Variants in CRHR1 observed in about 807,000 individuals in gnomAD.
The protein encoded by CRHR1 is corticotropin releasing hormone receptor 1, also known as corticotropin-releasing hormone receptor 1.
A neutral mutation model predicts 56.0 loss-of-function variants in CRHR1; 28 were observed. The observed-to-expected ratio is 0.50, with a 90% CI of 0.37 to 0.69. CRHR1 has a LOEUF of 0.69. Ranked by LOEUF, CRHR1 falls within the 30% of genes least tolerant of loss-of-function variation. CRHR1 has a pLI of 0.00. For missense variants in CRHR1, 376 were observed against 548.0 expected, an observed-to-expected ratio of 0.69 and a Z score of 3.13; for synonymous variants, 195 against 216.5, an observed-to-expected ratio of 0.90 and a Z score of 0.87.
At chr17:45,814,838 C>A (rs995386707) in intron 2 of CRHR1, among the ~76,000 whole-genome samples, 1 of 152,298 alleles carries the variant, frequency 6.6e-6, no homozygotes, top group African/African-American at 2.4e-5. Context: ...CCCGCAGTCA[C>A]CTCGTGTCCA....
At chr17:45,790,652 T>C (rs928899057) in intron 1 of CRHR1, among the ~76,000 whole-genome samples, 2 of 152,166 alleles carry the variant, frequency 1.3e-5, no homozygotes, top group African/African-American at 4.8e-5. Flanking sequence ...GGGGTGTGCA[T>C]CTGCCCCCCT....
chr17:45,829,160 C>A (rs2062234507), intron 4 of CRHR1, 55 bp from the exon 5 acceptor site: 1 of 1,406,526 alleles, frequency 7.1e-7, no homozygotes, highest in African/African-American at 1.4e-5. Context: ...GATGTCCTCA[C>A]AGAGCAGCTC....
intron 1 of CRHR1, among the ~76,000 whole-genome samples, chr17:45,790,234 G>A (rs986762336): frequency 2.0e-5 from 3 of 152,186 alleles, no homozygotes; most frequent in African/African-American, 4.8e-5. Context: ...AGGATAATAC[G>A]AAATGATTCA....
intron 3 of CRHR1, 93 bp downstream of exon 3, chr17:45,816,675 T>G (rs1472128327): frequency 2.5e-6 from 4 of 1,572,706 alleles, no homozygotes; most frequent in Non-Finnish European, 2.6e-6. Context: ...ACGATGACAA[T>G]AACAGTAATA....
intron 3 of CRHR1, 88 bp downstream of exon 3, chr17:45,816,670 G>A: frequency 6.3e-7 from 1 of 1,582,414 alleles, no homozygotes; most frequent in South Asian, 1.1e-5. Context: ...GAATGACGAT[G>A]ACAATAACAG....
At chr17:45,830,627 T>C (rs935832459) in intron 7 of CRHR1, 57 bp downstream of exon 7, 1 of 1,547,824 alleles carries the variant, frequency 6.5e-7, no homozygotes, top group African/African-American at 1.4e-5. Context: ...GGCTGCCCTC[T>C]CCTCCAGACT....
At chr17:45,813,337 C>T (rs1296467705) in intron 2 of CRHR1, among the ~76,000 whole-genome samples, 1 of 151,828 alleles carries the variant, frequency 6.6e-6, no homozygotes, top group Non-Finnish European at 1.5e-5. Flanking sequence ...CCTGACCCAG[C>T]AGGAGTGCTG....
rs1327755962 is a variant in CRHR1 at position 45,791,850 on chromosome 17, T to TCACA, written c.33+7274_33+7275insACAC. Among the ~76,000 whole-genome samples, 514 of 112,224 alleles carry TCACA rather than the reference T, an allele frequency of 4.6e-3. 1 individual carries two copies. The highest frequency in any genetic ancestry group is 0.011 in the Admixed American group (112 of 10,232). 73.6% of individuals were successfully genotyped at this position (112,224 alleles called of 152,430 possible). A position where few individuals can be genotyped will look rare whatever the true frequency, so the allele number is the denominator to read the frequency against. ...CTCTCTCTTTCTCTCTCTCTCTCTC[T>TCACA]CTCACACACACACACACACACACAC... On this transcript the variant is annotated intron_variant, in intron 1 of 12. Transcript: ENST00000314537.
Position 45,819,460 on chromosome 17 carries a change from C to T in CRHR1, c.242-1895C>T, listed in dbSNP as rs555297611. Among the ~76,000 whole-genome samples, 20 of 151,752 alleles carry T rather than the reference C, an allele frequency of 1.3e-4. No individual in the cohort carries two copies. In the East Asian group the frequency reaches 1.7e-3, roughly 13 times the overall value. ...CCACCCCACCCCATCCCACCACCCC[C>T]GGGCCCCTTCCAGCCGGATCTCTGT... On this transcript the variant is annotated intron_variant, in intron 3 of 12. Transcript: ENST00000314537.
At chr17:45,787,672 C>G (rs1416021543) in intron 1 of CRHR1, among the ~76,000 whole-genome samples, 1 of 152,230 alleles carries the variant, frequency 6.6e-6, no homozygotes, top group Non-Finnish European at 1.5e-5. Flanking sequence ...TCACGTTACT[C>G]CCGAGGCTCT....
chr17:45,790,992 G>A lies in CRHR1; in HGVS notation c.33+6415G>A, dbSNP rs140893662. 2.5e-4 allele frequency among the ~76,000 whole-genome samples: 38 copies of A among 152,300 alleles called. 1 individual carries two copies. In the East Asian group the frequency reaches 6.8e-3, roughly 27 times the overall value. ...ACAGAGCTGAAAGGCACCTGCCCAG[G>A]GTGAAAGGCTGGGACAAGTGATGGC... On this transcript the variant is annotated intron_variant, in intron 1 of 12. Transcript: ENST00000314537.
At position 45,823,868 on chromosome 17, in the gene CRHR1, C is replaced by T. The variant is rs1364623479; in HGVS notation, c.327+2428C>T. 3.3e-5 allele frequency among the ~76,000 whole-genome samples: 5 copies of T among 152,190 alleles called. No individual in the cohort carries two copies. The East Asian group carries it at 9.6e-4, about 29-fold the overall frequency. On this transcript the variant is annotated intron_variant, in intron 4 of 12. Coordinates refer to ENST00000314537, the MANE Select transcript of CRHR1 (RefSeq NM_004382.5). ...AGGTCAATGCCTAGCTTAAAAGACT[C>T]ACGAGTTCTTCCACGGTGCTGCTCT...
At chr17:45,799,955 G>A (rs184747283) in intron 1 of CRHR1, 184 of 153,534 alleles carry the variant, frequency 1.2e-3, no homozygotes, top group Admixed American at 3.3e-3. Flanking sequence ...TCCCCTTGCC[G>A]GGAAGGCCCT....
intron 7 of CRHR1, 39 bp downstream of exon 7, chr17:45,830,609 G>T: frequency 3.2e-6 from 5 of 1,568,338 alleles, no homozygotes; most frequent in Non-Finnish European, 4.3e-6. Flanking sequence ...GGGCAGTGGC[G>T]GCCGCCGGGC....
chr17:45,817,229 C>T (rs963044220), intron 3 of CRHR1, among the ~76,000 whole-genome samples: 4 of 152,216 alleles, frequency 2.6e-5, no homozygotes, highest in African/African-American at 7.2e-5. Flanking sequence ...CCTGCTATTC[C>T]GCCTGCCACT....
chr17:45,811,428 G>A (rs2061822017), intron 2 of CRHR1, among the ~76,000 whole-genome samples: 1 of 152,264 alleles, frequency 6.6e-6, no homozygotes, highest in African/African-American at 2.4e-5. Flanking sequence ...TTCTGTGCAT[G>A]TATGGGGAAG....
At chr17:45,808,165 G>A (rs1431615131) in intron 2 of CRHR1, among the ~76,000 whole-genome samples, 1 of 152,234 alleles carries the variant, frequency 6.6e-6, no homozygotes, top group Admixed American at 6.5e-5. Context: ...GCTAGTCTGG[G>A]CATCGAATCC....
chr17:45,833,044 G>A (rs540920191), intron 8 of CRHR1, 94 bp from the exon 9 acceptor site: 1 of 1,137,768 alleles, frequency 8.8e-7, no homozygotes. Flanking sequence ...TTGGCCTCCA[G>A]CCCCAGTCCT....
chr17:45,827,260 G>A (rs1026691214), intron 4 of CRHR1: 6 of 152,250 alleles, frequency 3.9e-5, no homozygotes, highest in African/African-American at 7.2e-5. Flanking sequence ...GGCCTGACTC[G>A]GGAGTGAGGC....
Sources: allele counts gnomAD v4.1 joint callset (sites outside exome capture counted in the v4.1 genomes callset), GRCh38; gene constraint gnomAD v4.1.1; transcripts MANE v1.5; gene names NCBI Gene and HGNC (gene_info 2026-07-23, HGNC 2026-07-21).